SLC2A13: variants seen among roughly 807,000 people sequenced by gnomAD.
The protein encoded by SLC2A13 is proton myo-inositol cotransporter.
SLC2A13 carries 32 observed loss-of-function variants against 64.4 expected under a neutral mutation model. That is an observed-to-expected ratio of 0.50 (90% CI 0.37 to 0.67). The LOEUF (loss-of-function observed/expected upper bound fraction) is 0.67. Ranked by LOEUF, SLC2A13 falls within the 30% of genes least tolerant of loss-of-function variation. The probability of loss-of-function intolerance (pLI) is 0.00; values close to 1 mark genes in which losing one functional copy is unlikely to be tolerated. For synonymous variants in SLC2A13, 338 were observed against 327.1 expected (o/e 1.03, Z -0.36); for missense variants, 743 against 829.2 (o/e 0.90, Z 1.28).
At chr12:39,911,207 T>C (rs879548988) in intron 4 of SLC2A13, among the ~76,000 whole-genome samples, 21 of 152,088 alleles carry the variant, frequency 1.4e-4, no homozygotes, top group Admixed American at 5.9e-4. Context: ...AGAGTGAACA[T>C]GAAAATGTTG....
intron 1 of SLC2A13, among the ~76,000 whole-genome samples, chr12:40,052,344 T>A (rs921559340): frequency 1.3e-5 from 2 of 152,122 alleles, no homozygotes; most frequent in Non-Finnish European, 2.9e-5. Context: ...TCCTCCTTTA[T>A]CCTCAAGGGA....
intron 6 of SLC2A13, among the ~76,000 whole-genome samples, chr12:39,833,341 C>A (rs1050263815): frequency 2.0e-5 from 3 of 152,050 alleles, no homozygotes; most frequent in Admixed American, 2.0e-4. Context: ...GGAGATATTT[C>A]GCCCTTTTTT....
chr12:39,872,281 A>G (rs1944077731), intron 4 of SLC2A13, among the ~76,000 whole-genome samples: 2 of 152,222 alleles, frequency 1.3e-5, no homozygotes, highest in African/African-American at 4.8e-5. Flanking sequence ...TATCACTTTA[A>G]TTGGCCACAT....
rs1408302033 is a variant in SLC2A13, at chr12:40,105,236, A to T, written c.556+17T>A. 1 of 1,554,530 alleles carries T rather than the reference A, an allele frequency of 6.4e-7. No individual in the cohort carries two copies. The highest frequency in any genetic ancestry group is 8.7e-7 in the Non-Finnish European group (1 of 1,154,256). ...GACAATGGGATCCCGGGCGCCCTTC[A>T]CGGAGCCCGAACTCACCGATGCCGA... is the stretch of plus-strand genomic sequence containing the variant. On this transcript the variant is annotated intron_variant, in intron 1 of 9. Transcript: ENST00000280871. The surrounding 1 kb of genome is among the most constrained non-coding windows in gnomAD (Gnocchi z 4.2).
intron 3 of SLC2A13, among the ~76,000 whole-genome samples, chr12:39,994,535 A>G (rs7964150): frequency 0.52 from 79,269 of 151,910 alleles, 21,157 homozygotes; most frequent in African/African-American, 0.59. Flanking sequence ...CCAGAAAGGC[A>G]AAGAACTCGA....
At chr12:39,764,988 A>G (rs1227288405) in intron 7 of SLC2A13, 130 bp from the exon 8 acceptor site, 3 of 1,064,360 alleles carry the variant, frequency 2.8e-6, no homozygotes, top group African/African-American at 3.2e-5. Context: ...TTCTTAAAAA[A>G]TAAGAACTAA....
At chr12:39,999,504 T>C (rs1340558671) in intron 3 of SLC2A13, among the ~76,000 whole-genome samples, 2 of 152,154 alleles carry the variant, frequency 1.3e-5, no homozygotes, top group African/African-American at 4.8e-5. Context: ...GACTGAAATA[T>C]GCCCTGGTCT....
At chr12:40,000,175 G>A (rs1028579823) in intron 3 of SLC2A13, among the ~76,000 whole-genome samples, 1 of 152,108 alleles carries the variant, frequency 6.6e-6, no homozygotes, top group Non-Finnish European at 1.5e-5. Context: ...ATGATTGGGA[G>A]GCTTCCCCAG....
chr12:40,078,265 G>A (rs145339256), intron 1 of SLC2A13, among the ~76,000 whole-genome samples: 55 of 152,128 alleles, frequency 3.6e-4, no homozygotes, highest in African/African-American at 1.2e-3. Context: ...TTACCCATTC[G>A]TTATAATGTT....
chr12:39,796,228 C>A (rs1382512531), intron 7 of SLC2A13, among the ~76,000 whole-genome samples: 2 of 152,032 alleles, frequency 1.3e-5, no homozygotes, highest in Non-Finnish European at 2.9e-5. Flanking sequence ...TAGGGGGTAG[C>A]CCTTAACATC....
chr12:39,970,875 T>C (rs1337891951), intron 3 of SLC2A13, among the ~76,000 whole-genome samples: 1 of 152,204 alleles, frequency 6.6e-6, no homozygotes, highest in Admixed American at 6.5e-5. Flanking sequence ...CCAGTGCAAG[T>C]ATTTTTTCCC....
At chr12:39,968,717 T>C (rs1270368267) in intron 3 of SLC2A13, among the ~76,000 whole-genome samples, 1 of 138,348 alleles carries the variant, frequency 7.2e-6, no homozygotes, top group African/African-American at 2.7e-5. Flanking sequence ...CACTTTACTC[T>C]CTAAGCCTGC....
At chr12:39,783,455 C>T (rs1941071769) in intron 7 of SLC2A13, among the ~76,000 whole-genome samples, 1 of 152,170 alleles carries the variant, frequency 6.6e-6, no homozygotes, top group South Asian at 2.1e-4. Context: ...CACTGTCTTC[C>T]ACAATGGTTG....
intron 4 of SLC2A13, among the ~76,000 whole-genome samples, chr12:39,908,803 T>A (rs1017287689): frequency 3.1e-4 from 47 of 151,930 alleles, no homozygotes; most frequent in African/African-American, 1.1e-3. Context: ...CAGGGTTTGG[T>A]ATTTGGGAGG....
chr12:39,971,669 G>A (rs1946647678), intron 3 of SLC2A13, among the ~76,000 whole-genome samples: 1 of 151,882 alleles, frequency 6.6e-6, no homozygotes, highest in East Asian at 1.9e-4. Flanking sequence ...CAACATATAT[G>A]CCTACAAGAA....
intron 3 of SLC2A13, among the ~76,000 whole-genome samples, chr12:40,010,382 A>C: frequency 6.6e-6 from 1 of 152,196 alleles, no homozygotes; most frequent in East Asian, 1.9e-4. Context: ...ATTTATAAAT[A>C]ATTTTATCAC....
intron 7 of SLC2A13, among the ~76,000 whole-genome samples, chr12:39,780,062 G>C (rs1337684021): frequency 6.6e-6 from 1 of 152,196 alleles, no homozygotes; most frequent in African/African-American, 2.4e-5. Flanking sequence ...ATGTCCTTGA[G>C]TAGATGTAAA....
At chr12:39,921,746 T>C (rs541636757) in intron 4 of SLC2A13, among the ~76,000 whole-genome samples, 2 of 152,284 alleles carry the variant, frequency 1.3e-5, no homozygotes, top group East Asian at 3.9e-4. Flanking sequence ...ATGTGTATTT[T>C]AAACATTTCT....
chr12:39,933,843 GAAAA>G (rs1210526267), intron 4 of SLC2A13, among the ~76,000 whole-genome samples: 1 of 152,166 alleles, frequency 6.6e-6, no homozygotes, highest in African/African-American at 2.4e-5. Flanking sequence ...ACACAACCCT[GAAAA>G]GTATCATGCC....
Sources: allele counts gnomAD v4.1 joint callset (sites outside exome capture counted in the v4.1 genomes callset), GRCh38; gene constraint gnomAD v4.1.1; non-coding constraint Gnocchi (gnomAD v3.1); transcripts MANE v1.5; gene names NCBI Gene and HGNC (gene_info 2026-07-23, HGNC 2026-07-21).